Variants in SPOCK1 observed in about 807,000 individuals in gnomAD.
The protein encoded by SPOCK1 is SPARC (osteonectin), cwcv and kazal like domains proteoglycan 1, also known as testican-1.
Under a neutral mutation model 55.3 loss-of-function variants are expected in SPOCK1, and 23 were observed. The ratio of observed to expected loss-of-function variants is 0.42; its 90% confidence interval spans 0.30 to 0.59. The LOEUF (loss-of-function observed/expected upper bound fraction) is 0.59. Ranked by LOEUF, SPOCK1 falls within the 20% of genes least tolerant of loss-of-function variation. The pLI is 0.22. For synonymous variants in SPOCK1, 226 were observed against 221.0 expected, an observed-to-expected ratio of 1.02 and a Z score of -0.20; for missense variants, 499 against 552.5, an observed-to-expected ratio of 0.90 and a Z score of 0.97.
intron 6 of SPOCK1, among the ~76,000 whole-genome samples, chr5:137,010,001 A>G (rs945993232): frequency 3.9e-5 from 6 of 152,122 alleles, no homozygotes; most frequent in Admixed American, 6.6e-5. Flanking sequence ...TTTGCTTCAA[A>G]TATGTGTTCA....
At chr5:137,446,336 G>A (rs1242337755) in intron 2 of SPOCK1, among the ~76,000 whole-genome samples, 2 of 152,154 alleles carry the variant, frequency 1.3e-5, no homozygotes, top group Non-Finnish European at 2.9e-5. Context: ...TGCAGCTGCA[G>A]AAAATGACAG....
intron 5 of SPOCK1, among the ~76,000 whole-genome samples, chr5:137,083,179 T>A (rs1438178988): frequency 6.6e-6 from 1 of 152,230 alleles, no homozygotes; most frequent in East Asian, 1.9e-4. Context: ...GCCCTCATCA[T>A]GTCATTGCCA....
intron 2 of SPOCK1, among the ~76,000 whole-genome samples, chr5:137,393,933 TATG>T (rs1751784301): frequency 6.6e-6 from 1 of 152,202 alleles, no homozygotes; most frequent in East Asian, 1.9e-4. Flanking sequence ...AATGATGAGT[TATG>T]TTTTAGGGTT....
rs114651611 is a variant in SPOCK1 at position 137,441,498 on chromosome 5, C to T, written c.186+56875G>A. Reference sequence around the variant, plus strand: ...AATCAAATCAGCCATCTTAGCCACCCGCCAGGCTGAAACCACTGCTCACCA... The same window carrying T: ...AATCAAATCAGCCATCTTAGCCACCTGCCAGGCTGAAACCACTGCTCACCA... On this transcript the variant is annotated intron_variant, in intron 2 of 10. Coordinates refer to ENST00000394945, the MANE Select transcript of SPOCK1 (RefSeq NM_004598.4). 8.6e-3 allele frequency among the ~76,000 whole-genome samples: 1,303 copies of T among 152,308 alleles called. 17 individuals carry two copies. Among genetic ancestry groups the T allele is most frequent in the African/African-American group, 0.03 (1,232 of 41,572 alleles).
At chr5:137,452,380 T>C (rs923062598) in intron 2 of SPOCK1, among the ~76,000 whole-genome samples, 15 of 152,220 alleles carry the variant, frequency 9.9e-5, no homozygotes, top group African/African-American at 3.6e-4. Context: ...CAAGTCATTA[T>C]GAAGCCGTCA....
chr5:137,167,785 A>T (rs1049653448), intron 3 of SPOCK1, among the ~76,000 whole-genome samples: 1 of 152,108 alleles, frequency 6.6e-6, no homozygotes, highest in Admixed American at 6.6e-5. Context: ...GAAATGCAAC[A>T]TACCTATACC....
rs1041247655 is a variant in SPOCK1 at position 137,043,851 on chromosome 5, G to A, written c.589+23864C>T. Among the ~76,000 whole-genome samples the A allele has an allele frequency of 5.3e-5, 8 of 152,240 alleles. No individual in the cohort carries two copies. In the South Asian group the frequency reaches 6.2e-4, roughly 12 times the overall value. The stretch of plus-strand genomic sequence containing the variant: ...GGATGAGATCCTGGAACAGAAAAAC[G>A]AAATTAGGTAAAAGCTAAGGAAATA... On this transcript the variant is annotated intron_variant, in intron 6 of 10. Coordinates refer to ENST00000394945, the MANE Select transcript of SPOCK1 (RefSeq NM_004598.4).
intron 2 of SPOCK1, among the ~76,000 whole-genome samples, chr5:137,397,382 C>T (rs566370504): frequency 2.4e-4 from 36 of 152,286 alleles, no homozygotes; most frequent in Non-Finnish European, 4.6e-4. Context: ...TACATGTGAT[C>T]GTAGTTTTTA....
intron 6 of SPOCK1, among the ~76,000 whole-genome samples, chr5:137,019,709 A>G (rs1751530338): frequency 6.6e-6 from 1 of 152,062 alleles, no homozygotes; most frequent in Admixed American, 6.6e-5. Flanking sequence ...ACAGACCCTC[A>G]TTACAGGAAT....
intron 2 of SPOCK1, among the ~76,000 whole-genome samples, chr5:137,393,658 A>T (rs184048086): frequency 6.6e-6 from 1 of 152,246 alleles, no homozygotes; most frequent in African/African-American, 2.4e-5. Flanking sequence ...GCTTATGTTC[A>T]TAGGAGGTGA....
intron 9 of SPOCK1, among the ~76,000 whole-genome samples, chr5:136,981,106 T>C (rs1296803241): frequency 6.6e-6 from 1 of 152,174 alleles, no homozygotes; most frequent in Non-Finnish European, 1.5e-5. Context: ...CCCTTAGAAA[T>C]GCAAGTTCTT....
intron 2 of SPOCK1, among the ~76,000 whole-genome samples, chr5:137,416,776 A>G (rs1752344409): frequency 6.6e-6 from 1 of 152,158 alleles, no homozygotes; most frequent in Admixed American, 6.5e-5. Context: ...AAGCATTGCC[A>G]GACTTTTAAA....
In SPOCK1 at chr5:137,112,842, G is replaced by A. The variant is rs1484884391; in HGVS notation, c.348-281C>T. Among the ~76,000 whole-genome samples the A allele has an allele frequency of 1.4e-3, 192 of 140,158 alleles. No individual in the cohort carries two copies. Among genetic ancestry groups the A allele is most frequent in the Non-Finnish European group, 1.4e-3 (91 of 65,156 alleles). 91.9% of individuals were successfully genotyped at this position (140,158 alleles called of 152,430 possible). ...CATGGGAAGATTTTTACAACACACA[G>A]AAAAAAAAAGAAAAAAAACGGTGAG... On this transcript the variant is annotated intron_variant, in intron 4 of 10. Coordinates refer to ENST00000394945, the MANE Select transcript of SPOCK1 (RefSeq NM_004598.4).
chr5:137,450,783 G>T (rs1753239123), intron 2 of SPOCK1, among the ~76,000 whole-genome samples: 1 of 151,804 alleles, frequency 6.6e-6, no homozygotes, highest in Non-Finnish European at 1.5e-5. Context: ...CCCCTCACTA[G>T]CCCTCTGCAT....
chr5:137,106,199 A>G (rs981754731), intron 5 of SPOCK1, among the ~76,000 whole-genome samples: 3 of 149,364 alleles, frequency 2.0e-5, no homozygotes, highest in African/African-American at 7.5e-5. Flanking sequence ...CCAGGAGCCC[A>G]GTTCCTCACC....
chr5:137,025,606 G>A (rs1239098774), intron 6 of SPOCK1, among the ~76,000 whole-genome samples: 4 of 152,122 alleles, frequency 2.6e-5, no homozygotes, highest in East Asian at 1.9e-4. Context: ...CCTAGGTACC[G>A]GGGAGCTGAA....
chr5:137,346,699 T>C (rs868201751), intron 2 of SPOCK1, among the ~76,000 whole-genome samples: 43 of 152,320 alleles, frequency 2.8e-4, no homozygotes, highest in African/African-American at 1.0e-3. Flanking sequence ...TGCCTCCTTC[T>C]ACCAACGTTC....
chr5:137,220,385 C>A (rs760971081), intron 3 of SPOCK1, among the ~76,000 whole-genome samples: 4 of 152,204 alleles, frequency 2.6e-5, no homozygotes, highest in African/African-American at 4.8e-5. Context: ...CTCTCTATAG[C>A]ACCTGGCTGT....
chr5:137,308,620 G>A (rs1757741524), intron 2 of SPOCK1, among the ~76,000 whole-genome samples: 1 of 152,204 alleles, frequency 6.6e-6, no homozygotes, highest in Non-Finnish European at 1.5e-5. Context: ...CCTCCCGTGT[G>A]ACCCCTAGCC....
Sources: allele counts gnomAD v4.1 joint callset (sites outside exome capture counted in the v4.1 genomes callset), GRCh38; gene constraint gnomAD v4.1.1; transcripts MANE v1.5; gene names NCBI Gene and HGNC (gene_info 2026-07-23, HGNC 2026-07-21).